Variants in ASIC2 observed in about 807,000 individuals in gnomAD.
ASIC2 encodes acid-sensing ion channel 2.
Under a neutral mutation model 57.3 loss-of-function variants are expected in ASIC2, and 25 were observed. That is an observed-to-expected ratio of 0.44 (90% CI 0.32 to 0.61). The LOEUF (loss-of-function observed/expected upper bound fraction) is 0.61. Ranked by LOEUF, ASIC2 falls within the 20% of genes least tolerant of loss-of-function variation. The pLI is 0.06. For missense variants in ASIC2, 641 were observed against 738.1 expected, an observed-to-expected ratio of 0.87 and a Z score of 1.52; for synonymous variants, 319 against 307.5, an observed-to-expected ratio of 1.04 and a Z score of -0.39.
chr17:33,943,157 C>T lies in ASIC2; in HGVS notation c.555+212821G>A, dbSNP rs537310695. 2.6e-3 allele frequency among the ~76,000 whole-genome samples: 402 copies of T among 152,254 alleles called. 1 individual carries two copies. Among genetic ancestry groups the T allele is most frequent in the Middle Eastern group, 6.8e-3 (2 of 294 alleles). On this transcript the variant is annotated intron_variant, in intron 1 of 9. Coordinates refer to the ASIC2 transcript ENST00000359872. ...TAGAATGGAACTTCTGAATTCTGGA[C>T]GAGCCTTTTATTCTTTTATTATCCA...
At chr17:33,223,142 C>A (rs1567789624) in intron 1 of ASIC2, among the ~76,000 whole-genome samples, 1 of 152,060 alleles carries the variant, frequency 6.6e-6, no homozygotes, top group Non-Finnish European at 1.5e-5. Context: ...CACAGACAAC[C>A]ATCTCCTTCC....
At chr17:33,281,658 G>A (rs1244367378) in intron 1 of ASIC2, among the ~76,000 whole-genome samples, 1 of 152,240 alleles carries the variant, frequency 6.6e-6, no homozygotes, top group Non-Finnish European at 1.5e-5. Flanking sequence ...GACTGCAAAT[G>A]TGCATGCTCT....
intron 1 of ASIC2, among the ~76,000 whole-genome samples, chr17:33,445,234 C>A (rs1911971365): frequency 6.6e-6 from 1 of 152,154 alleles, no homozygotes; most frequent in East Asian, 1.9e-4. Context: ...TCGAGACCAG[C>A]CTGGCCAACA....
At chr17:33,836,015 TATA>T (rs1913263271) in intron 1 of ASIC2, among the ~76,000 whole-genome samples, 1 of 150,756 alleles carries the variant, frequency 6.6e-6, no homozygotes, top group South Asian at 2.1e-4. Flanking sequence ...GTCTATCGTA[TATA>T]ATATGTATCC....
intron 1 of ASIC2, among the ~76,000 whole-genome samples, chr17:34,019,125 G>T (rs1004579780): frequency 2.0e-5 from 3 of 152,012 alleles, no homozygotes; most frequent in Non-Finnish European, 4.4e-5. Flanking sequence ...AGCCAGGATG[G>T]TCTTGATCTC....
chr17:33,440,522 C>T (rs1911787342), intron 1 of ASIC2, among the ~76,000 whole-genome samples: 4 of 152,160 alleles, frequency 2.6e-5, no homozygotes, highest in Admixed American at 2.6e-4. Context: ...TTTAAACTTC[C>T]GAGGAAGTGC....
intron 1 of ASIC2, among the ~76,000 whole-genome samples, chr17:33,375,383 G>C (rs767812759): frequency 2.0e-5 from 3 of 151,814 alleles, no homozygotes; most frequent in African/African-American, 7.3e-5. Context: ...AGTGTGGTGG[G>C]GGCAGAGAGC....
intron 1 of ASIC2, among the ~76,000 whole-genome samples, chr17:33,425,365 T>C (rs950801217): frequency 2.0e-5 from 3 of 152,254 alleles, no homozygotes; most frequent in Admixed American, 1.3e-4. Flanking sequence ...GTGATCTTTC[T>C]ATCGTGGCAT....
At chr17:33,154,333 C>T (rs1440859174) in intron 1 of ASIC2, among the ~76,000 whole-genome samples, 1 of 152,148 alleles carries the variant, frequency 6.6e-6, no homozygotes, top group Non-Finnish European at 1.5e-5. Context: ...TAGACATGTG[C>T]CACCATGTTA....
At chr17:33,111,757 G>T in intron 2 of ASIC2, 160 bp downstream of exon 2, 1 of 1,078,940 alleles carries the variant, frequency 9.3e-7, no homozygotes, top group Non-Finnish European at 1.3e-6. Flanking sequence ...GGGCATCCCA[G>T]CCCAAGCCAG....
chr17:33,799,427 C>CTTTCTTTCTTTCTTTCTTTCTTTCTTCT (rs11439080), intron 1 of ASIC2, among the ~76,000 whole-genome samples: 12 of 84,090 alleles, frequency 1.4e-4, no homozygotes, highest in South Asian at 3.9e-4. Context: ...TTCTTTCTTT[C>CTTTCTTTCTTTCTTTCTTTCTTTCTTCT]TTCTTTCTTT....
chr17:33,432,972 A>G (rs940138484), intron 1 of ASIC2, among the ~76,000 whole-genome samples: 3 of 152,230 alleles, frequency 2.0e-5, no homozygotes, highest in Non-Finnish European at 2.9e-5. Context: ...AACTAGCTCA[A>G]CCATTGTGGA....
chr17:33,363,523 AG>A (rs1247314951), intron 1 of ASIC2, among the ~76,000 whole-genome samples: 1 of 152,246 alleles, frequency 6.6e-6, no homozygotes, highest in Admixed American at 6.5e-5. Flanking sequence ...GTGTTTGCAC[AG>A]GAAGGACAAC....
At chr17:33,707,162 C>T (rs1040082632) in intron 1 of ASIC2, among the ~76,000 whole-genome samples, 2 of 152,060 alleles carry the variant, frequency 1.3e-5, no homozygotes, top group African/African-American at 4.8e-5. Context: ...ATGTGATCTT[C>T]CTCTGAGAGT....
intron 1 of ASIC2, among the ~76,000 whole-genome samples, chr17:33,212,810 T>C (rs1907331079): frequency 6.6e-6 from 1 of 152,148 alleles, no homozygotes; most frequent in Non-Finnish European, 1.5e-5. Flanking sequence ...CAATGCATTC[T>C]ATAATTAGGA....
intron 1 of ASIC2, among the ~76,000 whole-genome samples, chr17:33,656,579 C>A (rs1907082543): frequency 6.6e-6 from 1 of 152,142 alleles, no homozygotes; most frequent in African/African-American, 2.4e-5. Context: ...TGAGGCTTTC[C>A]ATATGCTGCT....
At chr17:33,091,434 G>A (rs1285854464) in intron 2 of ASIC2, among the ~76,000 whole-genome samples, 1 of 152,194 alleles carries the variant, frequency 6.6e-6, no homozygotes, top group South Asian at 2.1e-4. Flanking sequence ...ACTTGTTTTC[G>A]AGAGCTAGCT....
chr17:33,415,577 C>T (rs982056432), intron 1 of ASIC2, among the ~76,000 whole-genome samples: 4 of 152,028 alleles, frequency 2.6e-5, no homozygotes, highest in African/African-American at 7.2e-5. Flanking sequence ...CCAAATCCCT[C>T]GCTGCCCACT....
intron 1 of ASIC2, among the ~76,000 whole-genome samples, chr17:33,642,100 C>T (rs1455169851): frequency 6.6e-6 from 1 of 152,034 alleles, no homozygotes; most frequent in African/African-American, 2.4e-5. Flanking sequence ...GGTAGGGCAA[C>T]CAGACTGGCT....
Sources: gnomAD v4.1 joint callset for allele counts (sites outside exome capture counted in the v4.1 genomes callset) on GRCh38, gnomAD v4.1.1 for gene constraint, MANE v1.5 for transcripts, NCBI Gene and HGNC (gene_info 2026-07-23, HGNC 2026-07-21) for gene names.